L3MBTL4: variants seen among roughly 807,000 people sequenced by gnomAD.
The protein encoded by L3MBTL4 is L3MBTL histone methyl-lysine binding protein 4, also known as lethal(3)malignant brain tumor-like protein 4.
A neutral mutation model predicts 84.5 loss-of-function variants in L3MBTL4; 70 were observed. The ratio of observed to expected loss-of-function variants is 0.83; its 90% CI spans 0.68 to 1.01. L3MBTL4 has a LOEUF of 1.01. Among genes scored for constraint, L3MBTL4 ranks in the 50% least tolerant of loss-of-function variants. The probability of loss-of-function intolerance (pLI) is 0.00; values close to 1 mark genes in which losing one functional copy is unlikely to be tolerated. For missense variants in L3MBTL4, 715 were observed against 754.8 expected (o/e 0.95, Z 0.62); for synonymous variants, 274 against 259.8 (o/e 1.05, Z -0.52).
At chr18:6,171,290 T>C (rs2043959132) in intron 13 of L3MBTL4, among the ~76,000 whole-genome samples, 1 of 152,148 alleles carries the variant, frequency 6.6e-6, no homozygotes, top group Non-Finnish European at 1.5e-5. Context: ...ATAAGGTATT[T>C]TGGGTTGAGG....
intron 14 of L3MBTL4, among the ~76,000 whole-genome samples, chr18:6,095,606 T>C (rs1404656584): frequency 6.6e-6 from 1 of 152,078 alleles, no homozygotes; most frequent in Non-Finnish European, 1.5e-5. Context: ...CACCTCGGCC[T>C]CCCGAAGTGC....
At chr18:6,042,442 C>T (rs1299240916) in intron 16 of L3MBTL4, among the ~76,000 whole-genome samples, 1 of 152,072 alleles carries the variant, frequency 6.6e-6, no homozygotes, top group African/African-American at 2.4e-5. Flanking sequence ...CTCCCCTGAA[C>T]TTCTCAGCCA....
intron 8 of L3MBTL4, 128 bp downstream of exon 8, chr18:6,241,230 A>G: frequency 1.6e-6 from 1 of 642,798 alleles, no homozygotes; most frequent in Non-Finnish European, 2.8e-6. Context: ...ATTAGGTGAG[A>G]AAAGTGACAG....
intron 1 of L3MBTL4, among the ~76,000 whole-genome samples, chr18:6,402,306 G>A (rs1232366515): frequency 6.6e-6 from 1 of 151,990 alleles, no homozygotes; most frequent in African/African-American, 2.4e-5. Flanking sequence ...TTCCTGTATT[G>A]GCCAGAAAGT....
At chr18:6,017,222 T>C (rs2055031304) in intron 16 of L3MBTL4, among the ~76,000 whole-genome samples, 1 of 152,174 alleles carries the variant, frequency 6.6e-6, no homozygotes, top group South Asian at 2.1e-4. Context: ...AAAGCTGATG[T>C]TGAAAGAAAC....
intron 12 of L3MBTL4, among the ~76,000 whole-genome samples, chr18:6,177,732 C>T (rs764573109): frequency 5.9e-5 from 9 of 152,206 alleles, no homozygotes; most frequent in Non-Finnish European, 1.0e-4. Context: ...CATAGCCAGG[C>T]ACCCTAGGAC....
intron 14 of L3MBTL4, among the ~76,000 whole-genome samples, chr18:6,131,530 T>C (rs1448730763): frequency 6.7e-6 from 1 of 149,022 alleles, no homozygotes; most frequent in African/African-American, 2.4e-5. Context: ...AAAAAACCTT[T>C]TATTTTGGAA....
intron 14 of L3MBTL4, among the ~76,000 whole-genome samples, chr18:6,106,108 T>TA (rs1568129050): frequency 6.6e-6 from 1 of 152,196 alleles, no homozygotes; most frequent in Non-Finnish European, 1.5e-5. Context: ...GTACAGAGGT[T>TA]AAAGAAGTCA....
At chr18:6,026,636 C>G (rs1433472899) in intron 16 of L3MBTL4, among the ~76,000 whole-genome samples, 2 of 152,166 alleles carry the variant, frequency 1.3e-5, no homozygotes, top group African/African-American at 4.8e-5. Flanking sequence ...TAAAATGTCA[C>G]GTGAGGATCA....
At chr18:6,130,723 A>T (rs1218619803) in intron 14 of L3MBTL4, among the ~76,000 whole-genome samples, 2 of 152,146 alleles carry the variant, frequency 1.3e-5, no homozygotes, top group East Asian at 3.8e-4. Context: ...CTGGACCTTG[A>T]CTCAAAAGTA....
At chr18:6,110,186 C>T (rs2059147201) in intron 14 of L3MBTL4, among the ~76,000 whole-genome samples, 1 of 152,192 alleles carries the variant, frequency 6.6e-6, no homozygotes, top group Admixed American at 6.5e-5. Context: ...TCTCAGACCC[C>T]TATTGAGTTT....
At chr18:6,167,508 C>T (rs1184087284) in intron 13 of L3MBTL4, among the ~76,000 whole-genome samples, 1 of 152,184 alleles carries the variant, frequency 6.6e-6, no homozygotes, top group Non-Finnish European at 1.5e-5. Context: ...CCCTGGGATG[C>T]AAGGCTGGTT....
chr18:5,987,172 G>A (rs764639898), intron 16 of L3MBTL4, among the ~76,000 whole-genome samples: 4 of 152,188 alleles, frequency 2.6e-5, no homozygotes, highest in Non-Finnish European at 5.9e-5. Flanking sequence ...GGACGGAGAG[G>A]GGTCTGATGC....
In L3MBTL4 at chr18:6,349,145, T is replaced by C. The variant is rs1211943826; in HGVS notation, c.-90-37089A>G. On this transcript the variant is annotated intron_variant, in intron 1 of 18. Transcript: ENST00000317931. ...CTTCAGAAAACCATTTGGAAGTAAC[T>C]ATTACAACTGAACATAAACATATCC... 2.6e-5 allele frequency among the ~76,000 whole-genome samples: 4 copies of C among 152,198 alleles called. No homozygotes were observed. The East Asian group carries it at 7.7e-4, about 29-fold the overall frequency.
At chr18:6,009,330 A>G (rs1393200176) in intron 16 of L3MBTL4, among the ~76,000 whole-genome samples, 1 of 152,172 alleles carries the variant, frequency 6.6e-6, no homozygotes, top group African/African-American at 2.4e-5. Context: ...TCTGGTCCTC[A>G]GGCAGCAGAG....
chr18:6,054,022 T>C (rs1307533383), intron 16 of L3MBTL4, among the ~76,000 whole-genome samples: 1 of 152,216 alleles, frequency 6.6e-6, no homozygotes, highest in African/African-American at 2.4e-5. Context: ...TCTTCTGATG[T>C]TGCTCTTCAA....
chr18:5,985,254 C>T (rs577991282), intron 16 of L3MBTL4, among the ~76,000 whole-genome samples: 24 of 152,244 alleles, frequency 1.6e-4, no homozygotes, highest in African/African-American at 5.3e-4. Flanking sequence ...CAGTGGGAAA[C>T]CGGAAGGCAG....
intron 16 of L3MBTL4, among the ~76,000 whole-genome samples, chr18:5,988,569 GGT>G (rs1454584539): frequency 1.3e-5 from 2 of 152,046 alleles, no homozygotes; most frequent in African/African-American, 2.4e-5. Context: ...AGATAAGTAA[GGT>G]AAATGTTAGG....
chr18:6,165,484 C>G (rs565063047), intron 13 of L3MBTL4, among the ~76,000 whole-genome samples: 2 of 152,112 alleles, frequency 1.3e-5, no homozygotes, highest in Non-Finnish European at 2.9e-5. Flanking sequence ...ACTGATCTCT[C>G]GGCAGAAATT....
Sources: gnomAD v4.1 joint callset for allele counts (sites outside exome capture counted in the v4.1 genomes callset) on GRCh38, gnomAD v4.1.1 for gene constraint, MANE v1.5 for transcripts, NCBI Gene and HGNC (gene_info 2026-07-23, HGNC 2026-07-21) for gene names.